The following VPS13B variants were observed in gnomAD, a reference collection of about 807,000 sequenced individuals.
VPS13B encodes intermembrane lipid transfer protein VPS13B.
VPS13B carries 285 observed loss-of-function variants against 426.4 expected under a neutral mutation model. That is an observed-to-expected ratio of 0.67 (90% CI 0.61 to 0.74). The LOEUF is 0.74. Among genes scored for constraint, VPS13B ranks in the 30% least tolerant of loss-of-function variants. VPS13B has a pLI of 0.00. For missense variants in VPS13B, 4,537 were observed against 4,782.6 expected (o/e 0.95, Z 1.51); for synonymous variants, 1,676 against 1,676.4 (o/e 1.00, Z 0.01).
chr8:99,766,835 T>C lies in VPS13B; in HGVS notation c.7112T>C (p.Phe2371Ser). Residue 2371 changes from phenylalanine to serine, a missense_variant, in exon 40 of 62, where the codon TTT becomes TCT. Around this residue, in one of 2 missense-constraint regions of VPS13B, gnomAD observed 4,311 missense variants for 4,474.3 expected, o/e 0.96. Transcript: ENST00000357162. Reference sequence around the variant, plus strand: ...AAGGTTTTTGTTGCATTTAGAGAATTTAATCTGTCTGAAAGCAAAGTTTGT... The same window carrying C: ...AAGGTTTTTGTTGCATTTAGAGAATCTAATCTGTCTGAAAGCAAAGTTTGT... ...LQKVFVAFRE[F>S]NLSESKVCEL... The C allele has an allele frequency of 6.2e-7, 1 of 1,614,042 alleles. No individual in the cohort carries two copies. Among genetic ancestry groups the C allele is most frequent in the Non-Finnish European group, 8.5e-7 (1 of 1,179,976 alleles).
At position 99,284,736 on chromosome 8, in the gene VPS13B, G is replaced by T. The variant is rs563873052; in HGVS notation, c.2824+9482G>T. 2.6e-5 allele frequency among the ~76,000 whole-genome samples: 4 copies of T among 151,840 alleles called. No individual in the cohort carries two copies. The South Asian group carries it at 8.3e-4, about 32-fold the overall frequency. On this transcript the variant is annotated intron_variant, in intron 19 of 61. Transcript: ENST00000357162. Reference sequence around the variant, plus strand: ...TGGCTAAATTTGTGTGTGTGTGTGTGTTTTTGTAGAGACAGAGTCCCACTA... The same window carrying T: ...TGGCTAAATTTGTGTGTGTGTGTGTTTTTTTGTAGAGACAGAGTCCCACTA...
Position 99,428,564 on chromosome 8 carries a change from C to CA in VPS13B, c.3083-2970dup, listed in dbSNP as rs1463097472. Among the ~76,000 whole-genome samples the CA allele has an allele frequency of 5.1e-4, 77 of 152,248 alleles. 1 individual carries two copies. Among genetic ancestry groups the CA allele is most frequent in the Middle Eastern group, 3.4e-3 (1 of 294 alleles). ...ATCATCACTGGCCATCAGAGAAATGCAAATCAAAACCACAGTGAGATACCA... is the reference window on the plus strand; with the variant it reads ...ATCATCACTGGCCATCAGAGAAATGCAAAATCAAAACCACAGTGAGATACCA... On this transcript the variant is annotated intron_variant, in intron 21 of 61. Coordinates refer to ENST00000357162, the MANE Select transcript of VPS13B (RefSeq NM_152564.5).
intron 59 of VPS13B, among the ~76,000 whole-genome samples, chr8:99,868,807 G>C (rs1801754132): frequency 1.3e-5 from 2 of 152,354 alleles, no homozygotes; most frequent in Admixed American, 6.5e-5. Flanking sequence ...GAAGGAGAGA[G>C]AGGCTGTGGG....
rs144823552 is a variant in VPS13B at position 99,829,247 on chromosome 8, G to C, written c.9331-3122G>C. ...TTTTAGGTACACCAATCAAATGTAG[G>C]TTTGGTCTTTTCACATAGTCCCATA... On this transcript the variant is annotated intron_variant, in intron 51 of 61. Transcript: ENST00000357162. Among the ~76,000 whole-genome samples, 23 of 152,262 alleles carry C rather than the reference G, an allele frequency of 1.5e-4. No individual in the cohort carries two copies. In the East Asian group the frequency reaches 4.4e-3, roughly 29 times the overall value.
At chr8:99,141,062 C>T (rs1162649325) in intron 12 of VPS13B, among the ~76,000 whole-genome samples, 2 of 151,958 alleles carry the variant, frequency 1.3e-5, no homozygotes, top group Non-Finnish European at 2.9e-5. Flanking sequence ...TAGAGATAAC[C>T]AATTTTAGAG....
intron 19 of VPS13B, among the ~76,000 whole-genome samples, chr8:99,365,597 A>G (rs914873676): frequency 1.0e-4 from 15 of 146,136 alleles, no homozygotes; most frequent in African/African-American, 3.3e-4. Flanking sequence ...GCTCACTGCA[A>G]CCACTGCCTC....
chr8:99,081,726 C>T (rs1298053813), intron 3 of VPS13B, among the ~76,000 whole-genome samples: 1 of 151,792 alleles, frequency 6.6e-6, no homozygotes. Flanking sequence ...GTTTTTTGTC[C>T]TTGCGATAGT....
intron 3 of VPS13B, among the ~76,000 whole-genome samples, chr8:99,069,626 T>A (rs1844751602): frequency 6.6e-6 from 1 of 152,198 alleles, no homozygotes; most frequent in South Asian, 2.1e-4. Flanking sequence ...TCACAGTAGG[T>A]TGATCTGAGA....
At chr8:99,014,048 G>A in intron 2 of VPS13B, 113 bp downstream of exon 2, 1 of 1,243,782 alleles carries the variant, frequency 8.0e-7, no homozygotes, top group Non-Finnish European at 1.1e-6. Context: ...TTCTACTGAT[G>A]TATTTTGAGC....
intron 3 of VPS13B, among the ~76,000 whole-genome samples, chr8:99,078,035 T>C (rs1563524736): frequency 6.6e-6 from 1 of 152,080 alleles, no homozygotes; most frequent in Non-Finnish European, 1.5e-5. Context: ...GTTTGGTTGT[T>C]TTTTTAATGA....
Position 99,854,248 on chromosome 8 carries a change from T to C in VPS13B, c.10859T>C (p.Phe3620Ser). The part of the protein sequence containing the change: ...LAMHYAAGAL[F>S]RAGWVVGSLD... ...ATGCACTATGCCGCTGGGGCCCTTT[T>C]TAGAGCAGGTAAGAACACAAGCTGA... Residue 3620 changes from phenylalanine (F) to serine (S), a missense_variant, in exon 56 of 62, where the codon TTT (phenylalanine) becomes TCT (serine). Transcript: ENST00000357162. 1 of 1,613,640 alleles carries C rather than the reference T, an allele frequency of 6.2e-7. No homozygotes were observed. Among genetic ancestry groups the C allele is most frequent in the Non-Finnish European group, 8.5e-7 (1 of 1,179,918 alleles).
intron 39 of VPS13B, among the ~76,000 whole-genome samples, chr8:99,751,551 C>T (rs898702810): frequency 1.3e-5 from 2 of 152,098 alleles, no homozygotes; most frequent in African/African-American, 2.4e-5. Context: ...TGTCTGTCTG[C>T]CTCGCTGATC....
At chr8:99,737,106 CTTT>C (rs386413466) in intron 39 of VPS13B, among the ~76,000 whole-genome samples, 22 of 44,366 alleles carry the variant, frequency 5.0e-4, no homozygotes, top group African/African-American at 1.6e-3. Context: ...AGATGTCCTT[CTTT>C]TTTTTTTTTT....
chr8:99,723,311 A>G (rs1339419199), intron 39 of VPS13B, among the ~76,000 whole-genome samples: 1 of 152,210 alleles, frequency 6.6e-6, no homozygotes, highest in African/African-American at 2.4e-5. Flanking sequence ...TATTACCACT[A>G]TTACAGATTC....
chr8:99,694,702 C>T (rs1302937551), intron 35 of VPS13B, among the ~76,000 whole-genome samples: 2 of 149,654 alleles, frequency 1.3e-5, no homozygotes, highest in African/African-American at 2.5e-5. Flanking sequence ...CAAATGGGAT[C>T]TAATTAAACT....
At chr8:99,614,384 T>G (rs1827985415) in intron 33 of VPS13B, among the ~76,000 whole-genome samples, 1 of 152,060 alleles carries the variant, frequency 6.6e-6, no homozygotes, top group Admixed American at 6.6e-5. Context: ...TTCAAGCGAT[T>G]CTCCTGCCTC....
At chr8:99,342,369 G>GTACTCTTTGTTCAAGAATTTCC (rs1387538553) in intron 19 of VPS13B, among the ~76,000 whole-genome samples, 5 of 152,048 alleles carry the variant, frequency 3.3e-5, no homozygotes, top group Admixed American at 3.3e-4. Context: ...CTGAAGCTTT[G>GTACTCTTTGTTCAAGAATTTCC]TACTCTTTGT....
intron 35 of VPS13B, among the ~76,000 whole-genome samples, chr8:99,684,798 TTTTG>T (rs1239986000): frequency 1.3e-5 from 2 of 152,144 alleles, no homozygotes; most frequent in Non-Finnish European, 2.9e-5. Context: ...TTTTTGGGTT[TTTTG>T]TTTGTTTGTT....
chr8:99,228,309 G>A (rs968178868), intron 17 of VPS13B, among the ~76,000 whole-genome samples: 4 of 152,098 alleles, frequency 2.6e-5, no homozygotes, highest in African/African-American at 9.7e-5. Context: ...CCTGGAGAGT[G>A]CAGTTGAGAA....
Sources: allele counts gnomAD v4.1 joint callset (sites outside exome capture counted in the v4.1 genomes callset), GRCh38; gene constraint gnomAD v4.1.1; regional missense constraint gnomAD v4.1.1; transcripts MANE v1.5; gene names NCBI Gene and HGNC (gene_info 2026-07-23, HGNC 2026-07-21).